DEPDC5: variants seen among roughly 807,000 people sequenced by gnomAD.
DEPDC5 encodes DEP domain containing 5, GATOR1 subcomplex subunit.
Under a neutral mutation model 217.3 loss-of-function variants are expected in DEPDC5, and 73 were observed. That is an observed-to-expected ratio of 0.34 (90% CI 0.28 to 0.41). The LOEUF (loss-of-function observed/expected upper bound fraction) is 0.41, where lower values mean the gene tolerates loss of function less well. DEPDC5 is among the 10% of genes least tolerant of loss of function. The pLI, the probability that DEPDC5 is intolerant of heterozygous loss-of-function variation, is 1.00. For synonymous variants in DEPDC5, 733 were observed against 756.7 expected (o/e 0.97, Z 0.51); for missense variants, 1,675 against 2,070.1 (o/e 0.81, Z 3.70).
At chr22:31,893,442 A>G in intron 38 of DEPDC5, 140 bp from the exon 39 acceptor site, 1 of 758,070 alleles carries the variant, frequency 1.3e-6, no homozygotes, top group Non-Finnish European at 1.9e-6. Context: ...TATCTAGATG[A>G]TTTCCAGGAA....
rs373910926 is a variant in DEPDC5 at position 31,789,573 on chromosome 22, A to C, written c.625-2460A>C. ...TGGTGATAGTTATACAACATTGTGA[A>C]TGTATTAAATGTCACGATGGCAATA... On this transcript the variant is annotated intron_variant, in intron 10 of 42. Coordinates refer to ENST00000651528, the MANE Select transcript of DEPDC5 (RefSeq NM_001242896.3). Among the ~76,000 whole-genome samples, 6 of 152,188 alleles carry C rather than the reference A, an allele frequency of 3.9e-5. 1 individual carries two copies. The highest frequency in any genetic ancestry group is 3.9e-4 in the Admixed American group (6 of 15,268).
At chr22:31,773,342 C>T (rs1049131364) in intron 7 of DEPDC5, among the ~76,000 whole-genome samples, 1 of 152,160 alleles carries the variant, frequency 6.6e-6, no homozygotes, top group African/African-American at 2.4e-5. Flanking sequence ...TGCGTGCCAG[C>T]ATGCCTGGCT....
chr22:31,778,235 A>G, intron 8 of DEPDC5, 67 bp downstream of exon 8: 1 of 1,513,944 alleles, frequency 6.6e-7, no homozygotes. Flanking sequence ...CCTAAAATCA[A>G]AAATAAAACA....
intron 40 of DEPDC5, among the ~76,000 whole-genome samples, chr22:31,901,018 G>A (rs979573511): frequency 3.1e-4 from 47 of 152,146 alleles, no homozygotes; most frequent in African/African-American, 1.1e-3. Context: ...CGACGCAGGC[G>A]GATCACTTGA....
At chr22:31,858,708 A>G (rs1415783154) in intron 32 of DEPDC5, 1 of 152,198 alleles carries the variant, frequency 6.6e-6, no homozygotes, top group Non-Finnish European at 1.5e-5. Context: ...TCATATGAAT[A>G]TGCCTTAATT....
At chr22:31,815,272 G>A in intron 21 of DEPDC5, 60 bp downstream of exon 21, 2 of 1,576,836 alleles carry the variant, frequency 1.3e-6, no homozygotes, top group Non-Finnish European at 1.7e-6. Flanking sequence ...GTGGGTGACT[G>A]GAGGTGGGAG....
chr22:31,805,421 C>G (rs944296957), intron 17 of DEPDC5, among the ~76,000 whole-genome samples: 1 of 152,172 alleles, frequency 6.6e-6, no homozygotes, highest in South Asian at 2.1e-4. Context: ...TGAATTCCTC[C>G]TGTGCTGCCC....
chr22:31,826,027 G>A (rs1313306175), intron 24 of DEPDC5, among the ~76,000 whole-genome samples: 2 of 151,478 alleles, frequency 1.3e-5, no homozygotes, highest in Non-Finnish European at 2.9e-5. Flanking sequence ...TCTTTTTTGA[G>A]GAAGAGACTC....
chr22:31,814,146 C>G (rs2088790338), intron 20 of DEPDC5: 1 of 152,116 alleles, frequency 6.6e-6, no homozygotes, highest in South Asian at 2.1e-4. Flanking sequence ...CAAAAACAAA[C>G]AAACAAAACA....
In DEPDC5 at chr22:31,809,981, CA is replaced by C. The variant is rs568096155; in HGVS notation, c.1324+343del. 9.3e-5 allele frequency among the ~76,000 whole-genome samples: 14 copies of C among 149,928 alleles called. No individual in the cohort carries two copies. In the South Asian group the frequency reaches 2.5e-3, roughly 27 times the overall value. On this transcript the variant is annotated intron_variant, in intron 19 of 42. Coordinates refer to ENST00000651528, the MANE Select transcript of DEPDC5 (RefSeq NM_001242896.3). Reference sequence around the variant, plus strand: ...TGGGTGACAGAGCAAGACTCTGTCTCAAAAAAAAAGAGCATCAGCTAACCCA... The same window carrying C: ...TGGGTGACAGAGCAAGACTCTGTCTCAAAAAAAAGAGCATCAGCTAACCCA...
rs192624055 is a variant in DEPDC5 at position 31,760,639 on chromosome 22, G to C, written c.147-17G>C. Reference sequence around the variant, plus strand: ...CTGTTCACGGTATCCCAACTCTCTTGTTGCTTTCTTTTTCAGCCCTCTGCT... The same window carrying C: ...CTGTTCACGGTATCCCAACTCTCTTCTTGCTTTCTTTTTCAGCCCTCTGCT... On this transcript the variant is annotated splice_polypyrimidine_tract_variant and intron_variant, in intron 3 of 42. Coordinates refer to ENST00000651528, the MANE Select transcript of DEPDC5 (RefSeq NM_001242896.3). 6.2e-7 allele frequency: 1 copy of C among 1,611,212 alleles called. No individual in the cohort carries two copies. Among genetic ancestry groups the C allele is most frequent in the Non-Finnish European group, 8.5e-7 (1 of 1,178,964 alleles).
In DEPDC5 at chr22:31,857,452, G is replaced by A; in HGVS notation, c.3163G>A (p.Gly1055Arg). ...TGCTTTTCCTCCTTTCAGGTGCCTG[G>A]GAGAACAGCAGGCAGCTGTGCATGG... ...LEMEASQKCL[G>R]EQQAAVHGGK... Residue 1055 changes from glycine (G) to arginine (R), a missense_variant, in exon 32 of 43, where the codon GGA becomes AGA. Physicochemically the swap from Gly to Arg is moderately radical, Grantham distance 125. Coordinates refer to ENST00000651528, the MANE Select transcript of DEPDC5 (RefSeq NM_001242896.3). 6.2e-7 allele frequency: 1 copy of A among 1,606,102 alleles called. No individual in the cohort carries two copies. Among genetic ancestry groups the A allele is most frequent in the Non-Finnish European group, 8.5e-7 (1 of 1,176,430 alleles).
chr22:31,799,200 C>T (rs368899408), intron 14 of DEPDC5, among the ~76,000 whole-genome samples: 3 of 151,852 alleles, frequency 2.0e-5, no homozygotes, highest in Non-Finnish European at 4.4e-5. Context: ...CGCATCACCA[C>T]GCCCAGCTAA....
At chr22:31,890,635 G>A (rs2093420769) in intron 38 of DEPDC5, among the ~76,000 whole-genome samples, 1 of 151,806 alleles carries the variant, frequency 6.6e-6, no homozygotes, top group Non-Finnish European at 1.5e-5. Flanking sequence ...CCTGAACCTG[G>A]GAGGCCCAGG....
chr22:31,870,847 T>C (rs899465623), intron 34 of DEPDC5, 103 bp downstream of exon 34: 1 of 1,326,938 alleles, frequency 7.5e-7, no homozygotes. Flanking sequence ...GAGTTCTGAC[T>C]CTGCCACAAG....
intron 31 of DEPDC5, chr22:31,853,501 GTTTTTC>G (rs1222315031): frequency 6.6e-6 from 1 of 152,264 alleles, no homozygotes; most frequent in East Asian, 1.9e-4. Context: ...TTATTTATGT[GTTTTTC>G]TTTTTCTTTC....
chr22:31,765,185 G>C, intron 5 of DEPDC5, 125 bp downstream of exon 5: 1 of 747,648 alleles, frequency 1.3e-6, no homozygotes, highest in South Asian at 1.7e-5. Flanking sequence ...GGCCTGCTAG[G>C]TGTGGTAATT....
chr22:31,806,087 AT>A (rs1454916616), intron 17 of DEPDC5, 34 bp from the exon 18 acceptor site: 2 of 1,578,938 alleles, frequency 1.3e-6, no homozygotes, highest in East Asian at 4.5e-5. Context: ...AATAAAGGGA[AT>A]TTAGATTAAT....
At chr22:31,814,878 G>A (rs887064231) in intron 20 of DEPDC5, 114 bp from the exon 21 acceptor site, 53 of 1,106,876 alleles carry the variant, frequency 4.8e-5, no homozygotes, top group Non-Finnish European at 6.3e-5. Flanking sequence ...GATCACACTG[G>A]GGATTTTTGT....
Sources: gnomAD v4.1 joint callset for allele counts (sites outside exome capture counted in the v4.1 genomes callset) on GRCh38, gnomAD v4.1.1 for gene constraint, MANE v1.5 for transcripts, NCBI Gene and HGNC (gene_info 2026-07-23, HGNC 2026-07-21) for gene names.